SLC25A25: variants seen among roughly 807,000 people sequenced by gnomAD.
SLC25A25 encodes the protein solute carrier family 25 member 25, also known as mitochondrial adenyl nucleotide antiporter SLC25A25.
Under a neutral mutation model 57.7 loss-of-function variants are expected in SLC25A25, and 32 were observed. The observed-to-expected ratio is 0.55, with a 90% CI of 0.42 to 0.74. SLC25A25 has a LOEUF of 0.74. Ranked by LOEUF, SLC25A25 falls within the 30% of genes least tolerant of loss-of-function variation. The pLI is 0.00. For synonymous variants in SLC25A25, 306 were observed against 291.2 expected, an observed-to-expected ratio of 1.05 and a Z score of -0.52; for missense variants, 556 against 701.3, an observed-to-expected ratio of 0.79 and a Z score of 2.34.
rs553129141 is a variant in SLC25A25, at chr9:128,105,984, G to A, written c.936+103G>A. 558 of 1,552,010 alleles carry A rather than the reference G, an allele frequency of 3.6e-4. 1 individual carries two copies. Among genetic ancestry groups the A allele is most frequent in the Non-Finnish European group, 4.7e-4 (533 of 1,140,214 alleles). ...AGCTCCCTGACACTTGGAGCCAGCCGTGGTACCCCAGGGACAGCAGGGCGA... is the reference window on the plus strand; with the variant it reads ...AGCTCCCTGACACTTGGAGCCAGCCATGGTACCCCAGGGACAGCAGGGCGA... On this transcript the variant is annotated intron_variant, in intron 7 of 10. Coordinates refer to ENST00000373069, the MANE Select transcript of SLC25A25 (RefSeq NM_001330988.2).
At chr9:128,079,531 G>A (rs563981192) in intron 1 of SLC25A25, among the ~76,000 whole-genome samples, 6 of 150,952 alleles carry the variant, frequency 4.0e-5, no homozygotes, top group Non-Finnish European at 7.4e-5. Flanking sequence ...GGCCAAGGCA[G>A]GTGGATCACT....
At position 128,086,287 on chromosome 9, in the gene SLC25A25, G is replaced by A. The variant is rs192333886; in HGVS notation, c.262-14809G>A. On this transcript the variant is annotated intron_variant, in intron 1 of 10. Transcript: ENST00000373069. Reference sequence around the variant, plus strand: ...AGCAATCCTCCTGCCTTACCCTCCCGAGTACCTAGGACTACAGGTGTGAGC... The same window carrying A: ...AGCAATCCTCCTGCCTTACCCTCCCAAGTACCTAGGACTACAGGTGTGAGC... Among the ~76,000 whole-genome samples, 64 of 149,398 alleles carry A rather than the reference G, an allele frequency of 4.3e-4. No individual in the cohort carries two copies. The East Asian group carries it at 0.011, about 25-fold the overall frequency.
At chr9:128,074,788 C>A (rs954182356) in intron 1 of SLC25A25, among the ~76,000 whole-genome samples, 1 of 152,036 alleles carries the variant, frequency 6.6e-6, no homozygotes, top group Non-Finnish European at 1.5e-5. Flanking sequence ...ATGGCTTGAA[C>A]CTAGGAGTTC....
chr9:128,098,591 C>T (rs1251715827), intron 1 of SLC25A25: 14 of 1,614,064 alleles, frequency 8.7e-6, no homozygotes, highest in Non-Finnish European at 1.2e-5. Flanking sequence ...CCTGTATGTG[C>T]CGGTCATCGG....
At position 128,079,771 on chromosome 9, in the gene SLC25A25, T is replaced by C. The variant is rs190922543; in HGVS notation, c.261+11191T>C. Among the ~76,000 whole-genome samples, 9 of 150,296 alleles carry C rather than the reference T, an allele frequency of 6.0e-5. No homozygotes were observed. In the East Asian group the frequency reaches 1.8e-3, roughly 30 times the overall value. On this transcript the variant is annotated intron_variant, in intron 1 of 10. Coordinates refer to ENST00000373069, the MANE Select transcript of SLC25A25 (RefSeq NM_001330988.2). The stretch of plus-strand genomic sequence containing the variant: ...ACTTTGGGAGGCCGAGGCGGGCGGA[T>C]CACGAGGTCAAGAGATTGAGACCAT...
chr9:128,074,939 C>T (rs916369442), intron 1 of SLC25A25, among the ~76,000 whole-genome samples: 1 of 151,890 alleles, frequency 6.6e-6, no homozygotes, highest in Non-Finnish European at 1.5e-5. Flanking sequence ...AGTTCGAGAC[C>T]AGCCTGGCCA....
chr9:128,076,456 ATT>A lies in SLC25A25; in HGVS notation c.261+7880_261+7881del, dbSNP rs746009963. On this transcript the variant is annotated intron_variant, in intron 1 of 10. Transcript: ENST00000373069. ...TAACTTTTTTTTTATTTTTATTTTT[ATT>A]TTTATTTTTATTTTTATTTTTTTTT... Among the ~76,000 whole-genome samples, 143 of 129,504 alleles carry A rather than the reference ATT, an allele frequency of 1.1e-3. 2 individuals are homozygous for A. Among genetic ancestry groups the A allele is most frequent in the Admixed American group, 3.1e-3 (41 of 13,290 alleles). 85.0% of individuals were successfully genotyped at this position (129,504 alleles called of 152,430 possible). A position where few individuals can be genotyped will look rare whatever the true frequency, so the allele number is the denominator to read the frequency against.
At chr9:128,083,001 G>T (rs1296103083) in intron 1 of SLC25A25, among the ~76,000 whole-genome samples, 2 of 151,838 alleles carry the variant, frequency 1.3e-5, no homozygotes, top group Non-Finnish European at 2.9e-5. Flanking sequence ...GGCTGAAGCG[G>T]GCAGATCACA....
rs756564949 is a variant in SLC25A25 at position 128,106,343 on chromosome 9, T to G, written c.1045-10T>G. 6.2e-7 allele frequency: 1 copy of G among 1,613,624 alleles called. No homozygotes were observed. On this transcript the variant is annotated splice_polypyrimidine_tract_variant and intron_variant, in intron 8 of 10. Coordinates refer to ENST00000373069, the MANE Select transcript of SLC25A25 (RefSeq NM_001330988.2). ...CTGTGCTCACGCGTCCCGCTGCTCC[T>G]GTTGTGCAGGTCCTGAAGACCCGGA... is the stretch of plus-strand genomic sequence containing the variant.
Position 128,099,440 on chromosome 9 carries a change from T to C in SLC25A25, c.262-1656T>C, listed in dbSNP as rs1833698090. The stretch of plus-strand genomic sequence containing the variant: ...CGACAGCACCCACCCCAGGGAGGCA[T>C]GTGGCTCACCCTGGCAGCAGGCGGC... On this transcript the variant is annotated intron_variant, in intron 1 of 10. Transcript: ENST00000373069. The surrounding 1 kb of genome is among the most constrained non-coding windows in gnomAD (Gnocchi z 6.8). The C allele has an allele frequency of 5.3e-6, 6 of 1,138,722 alleles. No homozygotes were observed. The highest frequency in any genetic ancestry group is 5.5e-6 in the Non-Finnish European group (5 of 914,046). 70.5% of individuals were successfully genotyped at this position (1,138,722 alleles called of 1,614,324 possible). A position where few individuals can be genotyped will look rare whatever the true frequency, so the allele number is the denominator to read the frequency against.
chr9:128,069,946 C>T (rs1413243265), intron 1 of SLC25A25, among the ~76,000 whole-genome samples: 1 of 111,220 alleles, frequency 9.0e-6, no homozygotes, highest in Non-Finnish European at 1.8e-5. Flanking sequence ...TTGAGAGAGT[C>T]TCACTCTGTC....
In SLC25A25 at chr9:128,068,589, C is replaced by T. The variant is rs1832832865; in HGVS notation, c.261+9C>T. 15 of 1,409,416 alleles carry T rather than the reference C, an allele frequency of 1.1e-5. No individual in the cohort carries two copies. Among genetic ancestry groups the T allele is most frequent in the South Asian group, 1.6e-5 (1 of 63,784 alleles). 87.3% of individuals were successfully genotyped at this position (1,409,416 alleles called of 1,614,324 possible). ...CCGAGGGCGAGCTCCAGGTAGGCTGCGCGCGTCCTCAGCACTGGCGGGGAG... is the reference window on the plus strand; with the variant it reads ...CCGAGGGCGAGCTCCAGGTAGGCTGTGCGCGTCCTCAGCACTGGCGGGGAG... On this transcript the variant is annotated intron_variant, in intron 1 of 10. Transcript: ENST00000373069.
intron 1 of SLC25A25, among the ~76,000 whole-genome samples, chr9:128,072,997 T>C (rs1832938723): frequency 6.6e-6 from 1 of 152,218 alleles, no homozygotes; most frequent in Non-Finnish European, 1.5e-5. Context: ...AGCTGCAGTT[T>C]GCTCATTTAG....
rs1426464547 is a variant in SLC25A25 at position 128,095,788 on chromosome 9, C to T, written c.262-5308C>T. 1.3e-5 allele frequency among the ~76,000 whole-genome samples: 2 copies of T among 151,752 alleles called. No homozygotes were observed. The highest frequency in any genetic ancestry group is 2.9e-5 in the Non-Finnish European group (2 of 67,940). ...TCGCGCCACTGCACTCCAGCCTGGG[C>T]GACAGAGCAAGACTCCATCTTAGGA... On this transcript the variant is annotated intron_variant, in intron 1 of 10. Transcript: ENST00000373069. The surrounding 1 kb of genome is among the most constrained non-coding windows in gnomAD (Gnocchi z 4.4).
In SLC25A25 at chr9:128,102,973, C is replaced by G. The variant is rs370784224; in HGVS notation, c.624+492C>G. 1.8e-4 allele frequency among the ~76,000 whole-genome samples: 27 copies of G among 152,320 alleles called. No individual in the cohort carries two copies. Among genetic ancestry groups the G allele is most frequent in the African/African-American group, 6.0e-4 (25 of 41,566 alleles). On this transcript the variant is annotated intron_variant, in intron 5 of 10. Coordinates refer to ENST00000373069, the MANE Select transcript of SLC25A25 (RefSeq NM_001330988.2). The surrounding 1 kb of genome is among the most constrained non-coding windows in gnomAD (Gnocchi z 4.1). ...AATGTGAGTCTGTGCTGGTCTCTGC[C>G]CCGAGCCCTTCATGCTTGGCGTGTC...
chr9:128,098,509 C>A, intron 1 of SLC25A25: 1 of 1,562,782 alleles, frequency 6.4e-7, no homozygotes, highest in African/African-American at 1.4e-5. Flanking sequence ...GGACCGGCAG[C>A]ATTTAGGGAA....
chr9:128,068,716 G>A, intron 1 of SLC25A25, 136 bp downstream of exon 1: 7 of 1,001,400 alleles, frequency 7.0e-6, no homozygotes, highest in South Asian at 2.8e-5. Context: ...CTCACTGAGG[G>A]ACACCCCACT....
At chr9:128,085,699 A>G (rs1833259566) in intron 1 of SLC25A25, among the ~76,000 whole-genome samples, 1 of 151,996 alleles carries the variant, frequency 6.6e-6, no homozygotes, top group African/African-American at 2.4e-5. Context: ...CCTTTCTAAT[A>G]TAGGTATTTC....
In SLC25A25 at chr9:128,071,547, C is replaced by T. The variant is rs560335205; in HGVS notation, c.261+2967C>T. Among the ~76,000 whole-genome samples, 88 of 149,534 alleles carry T rather than the reference C, an allele frequency of 5.9e-4. No homozygotes were observed. The South Asian group carries it at 9.9e-3, about 17-fold the overall frequency. Reference sequence around the variant, plus strand: ...CTCAGCCTCCCTGGGACTACAGGCACGCACCACCACGCCCTGCTAATTTTT... The same window carrying T: ...CTCAGCCTCCCTGGGACTACAGGCATGCACCACCACGCCCTGCTAATTTTT... On this transcript the variant is annotated intron_variant, in intron 1 of 10. Coordinates refer to ENST00000373069, the MANE Select transcript of SLC25A25 (RefSeq NM_001330988.2).
Sources: gnomAD v4.1 joint callset for allele counts (sites outside exome capture counted in the v4.1 genomes callset) on GRCh38, gnomAD v4.1.1 for gene constraint, Gnocchi (gnomAD v3.1) non-coding constraint, MANE v1.5 for transcripts, NCBI Gene and HGNC (gene_info 2026-07-23, HGNC 2026-07-21) for gene names.